Variants in ITGA9 observed in about 807,000 individuals in gnomAD.
The protein encoded by ITGA9 is integrin alpha-9.
A neutral mutation model predicts 127.8 loss-of-function variants in ITGA9; 56 were observed. That is an observed-to-expected ratio of 0.44 (90% CI 0.35 to 0.55). The LOEUF (loss-of-function observed/expected upper bound fraction) is 0.55. Among genes scored for constraint, ITGA9 ranks in the 20% least tolerant of loss-of-function variants. The probability of loss-of-function intolerance (pLI) is 0.00; values close to 1 mark genes in which losing one functional copy is unlikely to be tolerated. For missense variants in ITGA9, 1,196 were observed against 1,347.1 expected, an observed-to-expected ratio of 0.89 and a Z score of 1.76; for synonymous variants, 508 against 514.5, an observed-to-expected ratio of 0.99 and a Z score of 0.17.
chr3:37,597,674 A>G lies in ITGA9; in HGVS notation c.1690-31513A>G, dbSNP rs1378159580. Among the ~76,000 whole-genome samples, 1 of 152,244 alleles carries G rather than the reference A, an allele frequency of 6.6e-6. No individual in the cohort carries two copies. Among genetic ancestry groups the G allele is most frequent in the Non-Finnish European group, 1.5e-5 (1 of 68,044 alleles). ...GTGAGAAAAGTGAGCATTGGAGTCT[A>G]TTTCAGTTATGTGTTACAATAATAA... On this transcript the variant is annotated intron_variant, in intron 15 of 27. Transcript: ENST00000264741. This position sits in a 1 kb window ranked among gnomAD's most constrained non-coding sequence, Gnocchi z 4.6.
chr3:37,457,711 G>A (rs1698276131), intron 1 of ITGA9, among the ~76,000 whole-genome samples: 1 of 152,210 alleles, frequency 6.6e-6, no homozygotes, highest in South Asian at 2.1e-4. Context: ...TGAGTTCCAA[G>A]GGGATCCAAA....
chr3:37,712,258 C>T (rs530750762), intron 18 of ITGA9, among the ~76,000 whole-genome samples: 85 of 152,264 alleles, frequency 5.6e-4, no homozygotes, highest in African/African-American at 1.7e-3. Context: ...CAGAGGGTCC[C>T]ACCTCAGTGT....
chr3:37,592,626 AG>A (rs1699831731), intron 15 of ITGA9, among the ~76,000 whole-genome samples: 1 of 152,060 alleles, frequency 6.6e-6, no homozygotes, highest in African/African-American at 2.4e-5. Flanking sequence ...GATGGAGAGG[AG>A]GGGGTGTACT....
intron 15 of ITGA9, among the ~76,000 whole-genome samples, chr3:37,618,799 A>G (rs1700100263): frequency 1.3e-5 from 2 of 152,366 alleles, no homozygotes; most frequent in South Asian, 4.1e-4. Context: ...CTGTTTGCTA[A>G]GACTGTTGGA....
At chr3:37,744,617 T>G (rs1253741128) in intron 22 of ITGA9, among the ~76,000 whole-genome samples, 1 of 152,160 alleles carries the variant, frequency 6.6e-6, no homozygotes, top group Admixed American at 6.5e-5. Context: ...TGGTGTAGAC[T>G]GTGGACCTCA....
intron 18 of ITGA9, among the ~76,000 whole-genome samples, chr3:37,687,315 T>A (rs989567991): frequency 6.6e-6 from 1 of 152,118 alleles, no homozygotes; most frequent in East Asian, 1.9e-4. Context: ...AACAGAAAAT[T>A]GATTTAATGA....
rs556318294 is a variant in ITGA9 at position 37,714,784 on chromosome 3, T to A, written c.2068-17928T>A. 2.6e-5 allele frequency among the ~76,000 whole-genome samples: 4 copies of A among 152,316 alleles called. 1 individual carries two copies. Among genetic ancestry groups the A allele is most frequent in the South Asian group, 4.1e-4 (2 of 4,832 alleles). Reference sequence around the variant, plus strand: ...TTTTAGCAAGCCTCCATGACTCGAATGTGTGCCACAGTTGGAGAGCCACTG... The same window carrying A: ...TTTTAGCAAGCCTCCATGACTCGAAAGTGTGCCACAGTTGGAGAGCCACTG... On this transcript the variant is annotated intron_variant, in intron 18 of 27. Transcript: ENST00000264741.
intron 17 of ITGA9, among the ~76,000 whole-genome samples, chr3:37,666,361 T>A (rs1011880928): frequency 3.3e-5 from 5 of 152,240 alleles, no homozygotes; most frequent in African/African-American, 1.2e-4. Context: ...TACTTACTGC[T>A]GTAACAAATC....
chr3:37,784,423 C>T (rs1697014289), intron 25 of ITGA9, among the ~76,000 whole-genome samples: 1 of 152,124 alleles, frequency 6.6e-6, no homozygotes, highest in Non-Finnish European at 1.5e-5. Context: ...ATTCATAAGC[C>T]AGATATTTAC....
intron 1 of ITGA9, among the ~76,000 whole-genome samples, chr3:37,467,966 T>C (rs1368944893): frequency 6.6e-6 from 1 of 152,226 alleles, no homozygotes; most frequent in Non-Finnish European, 1.5e-5. Context: ...GATCCCTTAA[T>C]GTGGCTTTCT....
At chr3:37,807,389 G>A (rs1412373562) in intron 27 of ITGA9, 1 of 152,296 alleles carries the variant, frequency 6.6e-6, no homozygotes, top group Non-Finnish European at 1.5e-5. Flanking sequence ...AAGGGTAGAT[G>A]AAGATTCCAT....
intron 27 of ITGA9, among the ~76,000 whole-genome samples, chr3:37,805,615 A>G (rs1223388779): frequency 6.6e-6 from 1 of 152,188 alleles, no homozygotes; most frequent in Admixed American, 6.5e-5. Flanking sequence ...GCCTAGAAAT[A>G]GAATTGCCAT....
chr3:37,486,655 T>A (rs1488854428), intron 4 of ITGA9, among the ~76,000 whole-genome samples: 1 of 152,240 alleles, frequency 6.6e-6, no homozygotes. Flanking sequence ...CTAAAATGAT[T>A]TTAAGAGCCC....
At chr3:37,518,221 T>A (rs1285195831) in intron 10 of ITGA9, among the ~76,000 whole-genome samples, 1 of 151,986 alleles carries the variant, frequency 6.6e-6, no homozygotes, top group East Asian at 1.9e-4. Context: ...TGTTTGAGCC[T>A]CTTCACCTCG....
At chr3:37,642,649 A>G (rs559139485) in intron 16 of ITGA9, among the ~76,000 whole-genome samples, 1 of 152,394 alleles carries the variant, frequency 6.6e-6, no homozygotes, top group East Asian at 1.9e-4. Context: ...ACTACTTTTC[A>G]AAAGACAAGA....
intron 23 of ITGA9, among the ~76,000 whole-genome samples, chr3:37,765,135 T>C (rs1696765729): frequency 6.6e-6 from 1 of 152,082 alleles, no homozygotes; most frequent in Non-Finnish European, 1.5e-5. Flanking sequence ...TCCACTCTGT[T>C]AGTGGCATCC....
At chr3:37,562,175 C>A (rs923679908) in intron 15 of ITGA9, among the ~76,000 whole-genome samples, 1 of 152,146 alleles carries the variant, frequency 6.6e-6, no homozygotes, top group African/African-American at 2.4e-5. Context: ...TCCGGCAGCC[C>A]ATCCAGCGTT....
At chr3:37,652,850 T>C (rs1367382763) in intron 16 of ITGA9, among the ~76,000 whole-genome samples, 2 of 152,224 alleles carry the variant, frequency 1.3e-5, no homozygotes, top group African/African-American at 4.8e-5. Context: ...GGGAAGCTAC[T>C]GTCCATAGAT....
chr3:37,634,749 C>T lies in ITGA9; in HGVS notation c.1839+5413C>T, dbSNP rs1056477921. On this transcript the variant is annotated intron_variant, in intron 16 of 27. Coordinates refer to ENST00000264741, the MANE Select transcript of ITGA9 (RefSeq NM_002207.3). ...CTTAAACTACACTCTAGAATAAATA[C>T]GTCTAACAGACATATACACAACAGT... Among the ~76,000 whole-genome samples, 7 of 152,150 alleles carry T rather than the reference C, an allele frequency of 4.6e-5. No homozygotes were observed. The East Asian group carries it at 7.7e-4, about 17-fold the overall frequency.
Sources: gnomAD v4.1 joint callset for allele counts (sites outside exome capture counted in the v4.1 genomes callset) on GRCh38, gnomAD v4.1.1 for gene constraint, Gnocchi (gnomAD v3.1) non-coding constraint, MANE v1.5 for transcripts, NCBI Gene and HGNC (gene_info 2026-07-23, HGNC 2026-07-21) for gene names.